VOPP1: variants seen among roughly 807,000 people sequenced by gnomAD.
VOPP1 encodes WW domain binding protein VOPP1.
In VOPP1, 8 loss-of-function variants were observed where a neutral mutation model predicts 23.5. The observed-to-expected ratio is 0.34, with a 90% CI of 0.20 to 0.61. The LOEUF (loss-of-function observed/expected upper bound fraction) is 0.61, where lower values mean the gene tolerates loss of function less well. Among genes scored for constraint, VOPP1 ranks in the 20% least tolerant of loss-of-function variants. The pLI, the probability that VOPP1 is intolerant of heterozygous loss-of-function variation, is 0.78. For missense variants in VOPP1, 174 were observed against 238.1 expected (o/e 0.73, Z 1.77); for synonymous variants, 83 against 97.3 (o/e 0.85, Z 0.86).
chr7:55,493,446 G>A (rs776382609), intron 3 of VOPP1, among the ~76,000 whole-genome samples: 2 of 152,222 alleles, frequency 1.3e-5, no homozygotes, highest in Non-Finnish European at 2.9e-5. Context: ...AAGAGCGTAC[G>A]ATAAAGCCTT....
chr7:55,550,664 C>A (rs1053315251), intron 1 of VOPP1, among the ~76,000 whole-genome samples: 5 of 152,126 alleles, frequency 3.3e-5, no homozygotes, highest in African/African-American at 4.8e-5. Context: ...CACCATTAGC[C>A]CTATCGCGAA....
intron 4 of VOPP1, among the ~76,000 whole-genome samples, chr7:55,441,883 A>G (rs901418158): frequency 1.3e-5 from 2 of 152,186 alleles, no homozygotes; most frequent in African/African-American, 4.8e-5. Flanking sequence ...GGAGATGTGG[A>G]ATTTAATCTA....
chr7:55,485,564 G>A (rs1170312852), intron 4 of VOPP1, among the ~76,000 whole-genome samples: 2 of 152,214 alleles, frequency 1.3e-5, no homozygotes, highest in Non-Finnish European at 2.9e-5. Context: ...TCTATGAGAG[G>A]AGGTCGGAAG....
chr7:55,475,447 G>C (rs1040472262), intron 4 of VOPP1, among the ~76,000 whole-genome samples: 5 of 152,210 alleles, frequency 3.3e-5, no homozygotes, highest in South Asian at 2.1e-4. Flanking sequence ...TGCTGACAGG[G>C]ATGTGGGAAA....
intron 4 of VOPP1, among the ~76,000 whole-genome samples, chr7:55,488,358 C>T (rs1245789134): frequency 6.6e-6 from 1 of 152,182 alleles, no homozygotes; most frequent in East Asian, 1.9e-4. Context: ...TCCCACTTTC[C>T]AGCCTCTGCA....
At chr7:55,508,425 G>A (rs970868838) in intron 2 of VOPP1, among the ~76,000 whole-genome samples, 27 of 152,074 alleles carry the variant, frequency 1.8e-4, no homozygotes, top group African/African-American at 4.8e-4. Context: ...ACACCACCAC[G>A]CCCAGCTAAT....
chr7:55,517,995 A>G (rs1795579771), intron 2 of VOPP1, among the ~76,000 whole-genome samples: 1 of 152,196 alleles, frequency 6.6e-6, no homozygotes, highest in Non-Finnish European at 1.5e-5. Flanking sequence ...CTGTGTCAGG[A>G]CACTGTCGTC....
intron 4 of VOPP1, among the ~76,000 whole-genome samples, chr7:55,478,029 T>C (rs1333142668): frequency 6.6e-6 from 1 of 152,170 alleles, no homozygotes; most frequent in African/African-American, 2.4e-5. Context: ...TGCTTACCAT[T>C]CAGGCTCCCA....
At chr7:55,508,819 G>A (rs1794892290) in intron 2 of VOPP1, among the ~76,000 whole-genome samples, 2 of 151,984 alleles carry the variant, frequency 1.3e-5, no homozygotes, top group African/African-American at 4.8e-5. Context: ...GTGAAAAACA[G>A]AAGTCTGCCT....
intron 4 of VOPP1, among the ~76,000 whole-genome samples, chr7:55,476,646 T>C (rs112908578): frequency 0.012 from 1,825 of 152,208 alleles, 13 homozygotes; most frequent in Admixed American, 0.021. Flanking sequence ...CCCTCCAAAC[T>C]CAGGGCACGT....
intron 4 of VOPP1, among the ~76,000 whole-genome samples, chr7:55,453,521 G>T (rs1255784253): frequency 6.6e-6 from 1 of 152,114 alleles, no homozygotes. Flanking sequence ...ATTGTTTGTT[G>T]TGTGTCAGGG....
chr7:55,438,517 A>G (rs1790886308), intron 4 of VOPP1, among the ~76,000 whole-genome samples: 1 of 152,194 alleles, frequency 6.6e-6, no homozygotes, highest in African/African-American at 2.4e-5. Context: ...AACGGTAACC[A>G]TGACACCAAA....
intron 2 of VOPP1, among the ~76,000 whole-genome samples, chr7:55,518,439 T>C (rs1795616032): frequency 1.3e-5 from 2 of 152,222 alleles, no homozygotes; most frequent in Admixed American, 6.5e-5. Context: ...AGCAGGGTTA[T>C]GGAATGCACA....
At chr7:55,454,526 T>C (rs979577352) in intron 4 of VOPP1, among the ~76,000 whole-genome samples, 14 of 152,212 alleles carry the variant, frequency 9.2e-5, no homozygotes, top group Admixed American at 3.3e-4. Context: ...ATATCCCTGA[T>C]GAACATCAAT....
At chr7:55,542,893 G>A (rs1225620656) in intron 1 of VOPP1, among the ~76,000 whole-genome samples, 2 of 151,818 alleles carry the variant, frequency 1.3e-5, no homozygotes, top group Non-Finnish European at 2.9e-5. Context: ...CAACTAGCAG[G>A]ATTTCATTCT....
At chr7:55,540,196 G>A (rs1052645262) in intron 1 of VOPP1, among the ~76,000 whole-genome samples, 5 of 151,940 alleles carry the variant, frequency 3.3e-5, no homozygotes, top group Non-Finnish European at 5.9e-5. Context: ...TCAAGAGATC[G>A]AGACCATCCT....
At chr7:55,556,633 G>A (rs1008028079) in intron 1 of VOPP1, among the ~76,000 whole-genome samples, 1 of 52,792 alleles carries the variant, frequency 1.9e-5, no homozygotes, top group African/African-American at 5.0e-5. Flanking sequence ...AAAAGCTGTT[G>A]GAACCCCCCC....
chr7:55,498,314 C>T (rs142704891), intron 2 of VOPP1, among the ~76,000 whole-genome samples: 1,674 of 152,324 alleles, frequency 0.011, 11 homozygotes, highest in Middle Eastern at 0.02. Flanking sequence ...ATGGCACTAT[C>T]ACTGCTCACG....
At position 55,501,394 on chromosome 7, in the gene VOPP1, G is replaced by C. The variant is rs1405320511; in HGVS notation, c.114-3704C>G. Among the ~76,000 whole-genome samples, 5 of 152,188 alleles carry C rather than the reference G, an allele frequency of 3.3e-5. 1 individual carries two copies. The highest frequency in any genetic ancestry group is 1.2e-4 in the African/African-American group (5 of 41,444). On this transcript the variant is annotated intron_variant, in intron 2 of 4. Transcript: ENST00000285279. ...ACACTTCTTCACAGCTGCTGCCAGG[G>C]AAGCCCCAAGTTAAAAGTGGACAGG...
Sources: gnomAD v4.1 joint callset for allele counts (sites outside exome capture counted in the v4.1 genomes callset) on GRCh38, gnomAD v4.1.1 for gene constraint, MANE v1.5 for transcripts, NCBI Gene and HGNC (gene_info 2026-07-23, HGNC 2026-07-21) for gene names.